The following TMEM132B variants were observed in gnomAD, a reference collection of about 807,000 sequenced individuals.
TMEM132B encodes transmembrane protein 132B.
Under a neutral mutation model 90.8 loss-of-function variants are expected in TMEM132B, and 18 were observed. The ratio of observed to expected loss-of-function variants is 0.20; its 90% CI spans 0.14 to 0.29. TMEM132B has a LOEUF of 0.29. Ranked by LOEUF, TMEM132B falls within the 10% of genes least tolerant of loss-of-function variation. The pLI, the probability that TMEM132B is intolerant of heterozygous loss-of-function variation, is 1.00. For missense variants in TMEM132B, 1,096 were observed against 1,326.8 expected (o/e 0.83, Z 2.70); for synonymous variants, 504 against 523.3 (o/e 0.96, Z 0.50).
chr12:125,281,909 T>A, intron 1 of TMEM132B, among the ~76,000 whole-genome samples: 1 of 151,330 alleles, frequency 6.6e-6, no homozygotes, highest in Admixed American at 6.6e-5. Flanking sequence ...GCGCCTGTAG[T>A]CCCAGCTACT....
intron 3 of TMEM132B, among the ~76,000 whole-genome samples, chr12:125,514,387 G>A (rs1042025884): frequency 1.3e-5 from 2 of 152,188 alleles, no homozygotes; most frequent in Non-Finnish European, 2.9e-5. Flanking sequence ...AGGAGTCAGA[G>A]GTCCCCGTCT....
intron 1 of TMEM132B, among the ~76,000 whole-genome samples, chr12:125,300,367 C>T (rs923930871): frequency 4.6e-5 from 7 of 152,062 alleles, no homozygotes; most frequent in South Asian, 2.1e-4. Flanking sequence ...TGTTACAGCC[C>T]GACCACCTGA....
rs12827016 is a variant in TMEM132B at position 125,432,368 on chromosome 12, T to A, written c.1106+16691T>A. Among the ~76,000 whole-genome samples the A allele has an allele frequency of 2.7e-3, 136 of 50,282 alleles. 3 individuals carry two copies. The highest frequency in any genetic ancestry group is 0.018 in the African/African-American group (120 of 6,828). 33.0% of individuals were successfully genotyped at this position (50,282 alleles called of 152,430 possible). A position where few individuals can be genotyped will look rare whatever the true frequency, so the allele number is the denominator to read the frequency against. ...GAATGGGCCAAGGGAATTCCTTGAA[T>A]ATATATATATATATATATATATATA... On this transcript the variant is annotated intron_variant, in intron 3 of 8. Transcript: ENST00000682704.
rs1280564590 is a variant in TMEM132B, at chr12:125,656,069, GA to G, written c.*1362del. 2.0e-5 allele frequency: 3 copies of G among 151,814 alleles called. No individual in the cohort carries two copies. The highest frequency in any genetic ancestry group is 4.4e-5 in the Non-Finnish European group (3 of 67,950). 9.4% of individuals were successfully genotyped at this position (151,814 alleles called of 1,614,324 possible). A position where few individuals can be genotyped will look rare whatever the true frequency, so the allele number is the denominator to read the frequency against. On this transcript the variant is annotated 3_prime_UTR_variant, in exon 9 of 9. Coordinates refer to ENST00000682704, the MANE Select transcript of TMEM132B (RefSeq NM_001366854.1). ...AAATTAAAACGGCAAGAGAAAAAAAGAAACAACTCCTGCATAATGTTTAAAT... is the reference window on the plus strand; with the variant it reads ...AAATTAAAACGGCAAGAGAAAAAAAGAACAACTCCTGCATAATGTTTAAAT...
rs150807287 is a variant in TMEM132B, at chr12:125,613,463, G to A, written c.1437+29469G>A. On this transcript the variant is annotated intron_variant, in intron 5 of 8. Coordinates refer to ENST00000682704, the MANE Select transcript of TMEM132B (RefSeq NM_001366854.1). ...TTAACATGAATGTTATTATTGCTAT[G>A]TTTGAATTTACATTTTCTACTTTAC... Among the ~76,000 whole-genome samples the A allele has an allele frequency of 7.6e-3, 1,145 of 151,244 alleles. 15 individuals are homozygous for A. The highest frequency in any genetic ancestry group is 0.025 in the African/African-American group (1,019 of 41,338).
chr12:125,333,422 C>G (rs1415355780), intron 1 of TMEM132B, among the ~76,000 whole-genome samples: 1 of 152,204 alleles, frequency 6.6e-6, no homozygotes, highest in East Asian at 1.9e-4. Context: ...ATTACTCAAC[C>G]CACTACATAC....
At chr12:125,228,638 G>A (rs1004878656) in intron 1 of TMEM132B, among the ~76,000 whole-genome samples, 1 of 152,208 alleles carries the variant, frequency 6.6e-6, no homozygotes, top group South Asian at 2.1e-4. Context: ...TGGTTGGAAC[G>A]TGTGGGGACA....
At chr12:125,584,342 A>G (rs1167735529) in intron 5 of TMEM132B, 2 of 235,640 alleles carry the variant, frequency 8.5e-6, no homozygotes, top group African/African-American at 4.5e-5. Flanking sequence ...AGACCTTCTC[A>G]TTTTTTGCAA....
chr12:125,317,688 C>T (rs998922618), intron 1 of TMEM132B, among the ~76,000 whole-genome samples: 2 of 152,156 alleles, frequency 1.3e-5, no homozygotes, highest in Non-Finnish European at 2.9e-5. Flanking sequence ...CAGGGCTGGG[C>T]TTTCACCTGG....
chr12:125,393,410 G>A (rs984448882), intron 2 of TMEM132B, among the ~76,000 whole-genome samples: 4 of 152,060 alleles, frequency 2.6e-5, no homozygotes, highest in Non-Finnish European at 5.9e-5. Context: ...ATATGAGGAA[G>A]GACAAATAGA....
chr12:125,428,026 C>A (rs1014393017), intron 3 of TMEM132B, among the ~76,000 whole-genome samples: 1 of 150,442 alleles, frequency 6.6e-6, no homozygotes, highest in Admixed American at 6.6e-5. Context: ...GGAAGAAGGT[C>A]TCTCTGTGTT....
chr12:125,205,858 G>A (rs1246644434), intron 1 of TMEM132B, among the ~76,000 whole-genome samples: 1 of 152,242 alleles, frequency 6.6e-6, no homozygotes, highest in Non-Finnish European at 1.5e-5. Context: ...TTTGATCAGA[G>A]GAACGTCAAA....
intron 2 of TMEM132B, among the ~76,000 whole-genome samples, chr12:125,411,244 A>C (rs1879826467): frequency 6.6e-6 from 1 of 150,456 alleles, no homozygotes; most frequent in African/African-American, 2.5e-5. Flanking sequence ...GACAAAGTAG[A>C]GATGCCCACA....
At chr12:125,393,452 A>ACAG (rs1179237268) in intron 2 of TMEM132B, among the ~76,000 whole-genome samples, 2 of 151,778 alleles carry the variant, frequency 1.3e-5, no homozygotes, top group Admixed American at 1.3e-4. Context: ...AACAACAACA[A>ACAG]CCTGGTTTTG....
chr12:125,220,957 C>A (rs1873543875), intron 1 of TMEM132B, among the ~76,000 whole-genome samples: 1 of 152,246 alleles, frequency 6.6e-6, no homozygotes. Flanking sequence ...TGCCCCAGGG[C>A]CTTTGCACGT....
At chr12:125,579,362 G>T (rs546009447) in intron 4 of TMEM132B, among the ~76,000 whole-genome samples, 75 of 141,932 alleles carry the variant, frequency 5.3e-4, no homozygotes, top group Middle Eastern at 3.5e-3. Flanking sequence ...TCTCATACTT[G>T]CTTTTTTTTT....
intron 1 of TMEM132B, among the ~76,000 whole-genome samples, chr12:125,252,186 C>A (rs1874332018): frequency 6.6e-6 from 1 of 152,220 alleles, no homozygotes. Flanking sequence ...AAAAGAAGCT[C>A]AGGGCAGAAT....
chr12:125,258,181 G>T (rs1005293570), intron 1 of TMEM132B, among the ~76,000 whole-genome samples: 6 of 152,218 alleles, frequency 3.9e-5, no homozygotes, highest in Non-Finnish European at 5.9e-5. Context: ...GCAGACAAAT[G>T]AGACGGTTTC....
At chr12:125,281,100 G>T (rs1875156318) in intron 1 of TMEM132B, among the ~76,000 whole-genome samples, 2 of 152,196 alleles carry the variant, frequency 1.3e-5, no homozygotes, top group Admixed American at 1.3e-4. Context: ...GCCCCAGCAG[G>T]GGACCCCCAG....
Sources: allele counts gnomAD v4.1 joint callset (sites outside exome capture counted in the v4.1 genomes callset), GRCh38; gene constraint gnomAD v4.1.1; transcripts MANE v1.5; gene names NCBI Gene and HGNC (gene_info 2026-07-23, HGNC 2026-07-21).